The following ZNF804A variants were observed in gnomAD, a reference collection of about 807,000 sequenced individuals.
ZNF804A encodes the protein zinc finger protein 804A.
Under a neutral mutation model 16.5 loss-of-function variants are expected in ZNF804A, and 2 were observed. That is an observed-to-expected ratio of 0.12 (90% CI 0.05 to 0.38). The LOEUF (loss-of-function observed/expected upper bound fraction) is 0.38, where lower values mean the gene tolerates loss of function less well. Ranked by LOEUF, ZNF804A falls within the 10% of genes least tolerant of loss-of-function variation. ZNF804A has a pLI of 0.99. For synonymous variants in ZNF804A, 534 were observed against 489.6 expected (o/e 1.09, Z -1.20); for missense variants, 1,473 against 1,390.7 (o/e 1.06, Z -0.94).
chr2:184,773,410 G>A (rs938751697), intron 1 of ZNF804A, among the ~76,000 whole-genome samples: 7 of 151,844 alleles, frequency 4.6e-5, no homozygotes, highest in Non-Finnish European at 7.4e-5. Context: ...ATTAGACCAT[G>A]AGCAAGAGAA....
intron 1 of ZNF804A, among the ~76,000 whole-genome samples, chr2:184,786,365 T>G (rs1694449624): frequency 6.6e-6 from 1 of 152,036 alleles, no homozygotes; most frequent in South Asian, 2.1e-4. Context: ...TTTTTTATAT[T>G]TTGTAAGACA....
Position 184,938,843 on chromosome 2 carries a change from A to G in ZNF804A, c.3447A>G (p.Gly1149=). The G allele has an allele frequency of 6.2e-7, 1 of 1,613,942 alleles. No individual in the cohort carries two copies. Among genetic ancestry groups the G allele is most frequent in the East Asian group, 2.2e-5 (1 of 44,826 alleles). Residue 1149 remains glycine (G), a synonymous_variant, in exon 4 of 4, where the codon GGA becomes GGG. Transcript: ENST00000302277. Reference sequence around the variant, plus strand: ...CCTCATTACCTCAGCTCTCAGTAGGACCAGTAGGACCGAGGCTTTGTCCTG... The same window carrying G: ...CCTCATTACCTCAGCTCTCAGTAGGGCCAGTAGGACCGAGGCTTTGTCCTG... ...TRTSLPQLSV[G]PVGPRLCPGN...
intron 1 of ZNF804A, among the ~76,000 whole-genome samples, chr2:184,846,049 G>A (rs903721128): frequency 1.3e-5 from 2 of 152,036 alleles, no homozygotes; most frequent in Non-Finnish European, 2.9e-5. Flanking sequence ...TGATTTTCAG[G>A]TTTCATAGAT....
chr2:184,855,449 C>T lies in ZNF804A; in HGVS notation c.112-10920C>T, dbSNP rs752249465. ...TTTCTTGAAAATTTTTCTTCTCCTC[C>T]TCCAGCTATAATTCTCATCAAACAT... On this transcript the variant is annotated intron_variant, in intron 1 of 3. Transcript: ENST00000302277. Among the ~76,000 whole-genome samples, 9 of 152,172 alleles carry T rather than the reference C, an allele frequency of 5.9e-5. No homozygotes were observed. The East Asian group carries it at 1.7e-3, about 29-fold the overall frequency.
At chr2:184,823,080 A>G (rs1695106634) in intron 1 of ZNF804A, among the ~76,000 whole-genome samples, 1 of 152,122 alleles carries the variant, frequency 6.6e-6, no homozygotes, top group Admixed American at 6.6e-5. Context: ...TTCACACAGT[A>G]TTGGAGGCTA....
At chr2:184,677,462 G>A (rs997347278) in intron 1 of ZNF804A, among the ~76,000 whole-genome samples, 1 of 151,912 alleles carries the variant, frequency 6.6e-6, no homozygotes, top group African/African-American at 2.4e-5. Context: ...GGTCATCTGA[G>A]ATAGAACAGA....
chr2:184,756,698 G>C (rs560958937), intron 1 of ZNF804A, among the ~76,000 whole-genome samples: 5 of 152,102 alleles, frequency 3.3e-5, no homozygotes, highest in African/African-American at 1.2e-4. Context: ...GTCTTAATGT[G>C]TGTATGTATA....
At chr2:184,766,286 A>G (rs529675362) in intron 1 of ZNF804A, among the ~76,000 whole-genome samples, 4 of 152,120 alleles carry the variant, frequency 2.6e-5, no homozygotes, top group Non-Finnish European at 5.9e-5. Flanking sequence ...TTGAATCTTA[A>G]TAGATAAGAA....
In ZNF804A at chr2:184,939,033, C is replaced by T; in HGVS notation, c.*7C>T. ...TTTGCAACCTCTCTTCTAGTCATCACCATAATGGGAAAAAAATACTCTTGT... is the reference window on the plus strand; with the variant it reads ...TTTGCAACCTCTCTTCTAGTCATCATCATAATGGGAAAAAAATACTCTTGT... On this transcript the variant is annotated 3_prime_UTR_variant, in exon 4 of 4. Transcript: ENST00000302277. 2 of 1,608,582 alleles carry T rather than the reference C, an allele frequency of 1.2e-6. No individual in the cohort carries two copies. Among genetic ancestry groups the T allele is most frequent in the South Asian group, 1.1e-5 (1 of 90,906 alleles).
intron 1 of ZNF804A, among the ~76,000 whole-genome samples, chr2:184,829,003 G>A (rs1199604515): frequency 6.6e-6 from 1 of 151,412 alleles, no homozygotes; most frequent in Admixed American, 6.6e-5. Context: ...AAAATTTTTT[G>A]TTAGTATGTT....
chr2:184,606,825 G>A (rs552082777), intron 1 of ZNF804A, among the ~76,000 whole-genome samples: 244 of 133,522 alleles, frequency 1.8e-3, no homozygotes, highest in African/African-American at 7.5e-3. Context: ...TAAATCATAG[G>A]TGTGTCTACA....
At chr2:184,714,717 T>G (rs2105738717) in intron 1 of ZNF804A, among the ~76,000 whole-genome samples, 1 of 152,250 alleles carries the variant, frequency 6.6e-6, no homozygotes, top group African/African-American at 2.4e-5. Flanking sequence ...TTGTATTTCA[T>G]ATTTTCCTCT....
rs570612094 is a variant in ZNF804A, at chr2:184,901,048, C to T, written c.256-32555C>T. ...TTGTTTGCAGGGGCATTCTCCTCTA[C>T]CAGTATAGAATCCTTTAAAAATTAG... is the stretch of plus-strand genomic sequence containing the variant. On this transcript the variant is annotated intron_variant, in intron 2 of 3. Transcript: ENST00000302277. Among the ~76,000 whole-genome samples, 17 of 152,180 alleles carry T rather than the reference C, an allele frequency of 1.1e-4. No individual in the cohort carries two copies. The South Asian group carries it at 3.5e-3, about 32-fold the overall frequency.
At chr2:184,663,120 C>G (rs1437604151) in intron 1 of ZNF804A, among the ~76,000 whole-genome samples, 2 of 152,178 alleles carry the variant, frequency 1.3e-5, no homozygotes, top group Non-Finnish European at 2.9e-5. Context: ...GAGTCAGGAA[C>G]AGGCAGGAGG....
At chr2:184,860,069 G>A (rs1421320128) in intron 1 of ZNF804A, among the ~76,000 whole-genome samples, 1 of 152,226 alleles carries the variant, frequency 6.6e-6, no homozygotes, top group East Asian at 1.9e-4. Context: ...TGGGTCTACA[G>A]GGGTGTTCTT....
intron 1 of ZNF804A, among the ~76,000 whole-genome samples, chr2:184,679,264 A>G (rs909616944): frequency 2.0e-5 from 3 of 152,244 alleles, no homozygotes; most frequent in African/African-American, 7.2e-5. Context: ...CAAAGATACA[A>G]TAACACAAAA....
intron 2 of ZNF804A, among the ~76,000 whole-genome samples, chr2:184,918,346 A>T (rs1685482055): frequency 6.6e-6 from 1 of 152,152 alleles, no homozygotes; most frequent in Admixed American, 6.6e-5. Context: ...TGGAACTAAG[A>T]CTTCTAGACC....
At chr2:184,629,821 G>A (rs1330510589) in intron 1 of ZNF804A, among the ~76,000 whole-genome samples, 1 of 152,106 alleles carries the variant, frequency 6.6e-6, no homozygotes, top group Admixed American at 6.6e-5. Flanking sequence ...GGCAGAGAAA[G>A]AAGACTATGA....
intron 1 of ZNF804A, among the ~76,000 whole-genome samples, chr2:184,604,146 CTTTTTTTT>C (rs759053144): frequency 2.0e-4 from 9 of 44,856 alleles, no homozygotes; most frequent in African/African-American, 4.2e-4. Context: ...ACTGCAATTA[CTTTTTTTT>C]TTTTTTTTTT....
Sources: allele counts gnomAD v4.1 joint callset (sites outside exome capture counted in the v4.1 genomes callset), GRCh38; gene constraint gnomAD v4.1.1; transcripts MANE v1.5; gene names NCBI Gene and HGNC (gene_info 2026-07-23, HGNC 2026-07-21).